NRXN3: variants seen among roughly 807,000 people sequenced by gnomAD.
The protein encoded by NRXN3 is neurexin III.
Under a neutral mutation model 137.6 loss-of-function variants are expected in NRXN3, and 32 were observed. The ratio of observed to expected loss-of-function variants is 0.23; its 90% CI spans 0.18 to 0.31. The LOEUF (loss-of-function observed/expected upper bound fraction) is 0.31, where lower values mean the gene tolerates loss of function less well. NRXN3 is among the 10% of genes least tolerant of loss of function. The probability of loss-of-function intolerance (pLI) is 1.00; values close to 1 mark genes in which losing one functional copy is unlikely to be tolerated. For synonymous variants in NRXN3, 798 were observed against 784.5 expected, an observed-to-expected ratio of 1.02 and a Z score of -0.29; for missense variants, 1,574 against 2,062.5, an observed-to-expected ratio of 0.76 and a Z score of 4.59.
intron 2 of NRXN3, among the ~76,000 whole-genome samples, chr14:78,247,724 T>C (rs191919655): frequency 2.6e-4 from 39 of 152,348 alleles, no homozygotes; most frequent in Non-Finnish European, 2.9e-5. Context: ...TGAAGAGGTA[T>C]CCTCACTCCC....
chr14:79,818,056 T>G (rs568953642), intron 20 of NRXN3, among the ~76,000 whole-genome samples: 6 of 139,478 alleles, frequency 4.3e-5, no homozygotes, highest in African/African-American at 8.1e-5. Flanking sequence ...GTTTTTTTTT[T>G]TTTTTTTTTT....
At chr14:78,711,746 A>G (rs780436935) in intron 7 of NRXN3, among the ~76,000 whole-genome samples, 3 of 152,148 alleles carry the variant, frequency 2.0e-5, no homozygotes, top group Non-Finnish European at 4.4e-5. Flanking sequence ...AGGCCTGGCC[A>G]GTTTTTTGAA....
chr14:78,397,993 T>A (rs993267971), intron 4 of NRXN3, among the ~76,000 whole-genome samples: 1 of 149,096 alleles, frequency 6.7e-6, no homozygotes, highest in African/African-American at 2.5e-5. Context: ...GGTGGGCAGA[T>A]CACCTGAGGT....
At chr14:78,456,471 A>G (rs2094703911) in intron 4 of NRXN3, among the ~76,000 whole-genome samples, 1 of 152,208 alleles carries the variant, frequency 6.6e-6, no homozygotes, top group Non-Finnish European at 1.5e-5. Context: ...ACTTCTTGCA[A>G]CACTATTTTT....
intron 4 of NRXN3, among the ~76,000 whole-genome samples, chr14:78,510,739 A>C (rs429118): frequency 6.6e-6 from 1 of 152,132 alleles, no homozygotes; most frequent in African/African-American, 2.4e-5. Flanking sequence ...GAAGACCTAT[A>C]AGGCTTGCTG....
chr14:78,665,043 G>T (rs956423063), intron 6 of NRXN3, among the ~76,000 whole-genome samples: 2 of 152,164 alleles, frequency 1.3e-5, no homozygotes, highest in African/African-American at 4.8e-5. Flanking sequence ...CAAAGAGTGG[G>T]AGTGTGTGGT....
At chr14:79,625,965 T>G (rs527257403) in intron 16 of NRXN3, among the ~76,000 whole-genome samples, 1 of 152,332 alleles carries the variant, frequency 6.6e-6, no homozygotes, top group South Asian at 2.1e-4. Context: ...AAATGAATTG[T>G]AACTAGAAAA....
At chr14:79,352,006 T>A (rs2093233196) in intron 15 of NRXN3, among the ~76,000 whole-genome samples, 1 of 152,180 alleles carries the variant, frequency 6.6e-6, no homozygotes, top group African/African-American at 2.4e-5. Flanking sequence ...TAAATTACAT[T>A]TCTGAGTTAG....
At chr14:78,685,158 A>G (rs1444969622) in intron 6 of NRXN3, among the ~76,000 whole-genome samples, 5 of 152,208 alleles carry the variant, frequency 3.3e-5, no homozygotes, top group Admixed American at 3.3e-4. Context: ...TAAAGGCTGT[A>G]TGTGACATCC....
chr14:79,765,316 A>C (rs1037378003), intron 19 of NRXN3, among the ~76,000 whole-genome samples: 5 of 152,218 alleles, frequency 3.3e-5, no homozygotes. Context: ...GAAGCAATTC[A>C]CTTGTAGCCT....
chr14:79,272,439 T>A (rs2153427705), intron 15 of NRXN3, among the ~76,000 whole-genome samples: 1 of 152,180 alleles, frequency 6.6e-6, no homozygotes, highest in East Asian at 1.9e-4. Flanking sequence ...CAATCACTTT[T>A]AAAAAAATGT....
chr14:78,754,600 T>C lies in NRXN3; in HGVS notation c.2044+39461T>C, dbSNP rs138921460. Reference sequence around the variant, plus strand: ...GTTAGTTCCACCTTTCAATTGCAATTAACAAAATTGTAATTTTATATTTAG... The same window carrying C: ...GTTAGTTCCACCTTTCAATTGCAATCAACAAAATTGTAATTTTATATTTAG... On this transcript the variant is annotated intron_variant, in intron 8 of 20. Coordinates refer to ENST00000335750, the MANE Select transcript of NRXN3 (RefSeq NM_001330195.2). Among the ~76,000 whole-genome samples, 339 of 152,328 alleles carry C rather than the reference T, an allele frequency of 2.2e-3. 2 individuals carry two copies. The highest frequency in any genetic ancestry group is 7.8e-3 in the African/African-American group (323 of 41,562).
chr14:78,821,701 A>C (rs1163294224), intron 10 of NRXN3, among the ~76,000 whole-genome samples: 1 of 152,170 alleles, frequency 6.6e-6, no homozygotes, highest in Non-Finnish European at 1.5e-5. Flanking sequence ...GGATAAAAAA[A>C]AAAAATGATG....
intron 4 of NRXN3, among the ~76,000 whole-genome samples, chr14:78,497,332 G>A (rs892805768): frequency 2.0e-5 from 3 of 152,026 alleles, no homozygotes; most frequent in Admixed American, 1.3e-4. Context: ...ACTGTCTGAG[G>A]CCTCATTACC....
chr14:79,114,790 A>T (rs185481595), intron 15 of NRXN3, among the ~76,000 whole-genome samples: 25 of 152,218 alleles, frequency 1.6e-4, no homozygotes, highest in Admixed American at 7.2e-4. Context: ...AGTCTCCCAA[A>T]GTGCTGAGAT....
chr14:79,805,400 C>T (rs2099200381), intron 20 of NRXN3, among the ~76,000 whole-genome samples: 1 of 151,952 alleles, frequency 6.6e-6, no homozygotes, highest in Non-Finnish European at 1.5e-5. Flanking sequence ...TAAGATCCTA[C>T]AAAAATTAAG....
chr14:78,951,802 A>T (rs1230315748), intron 10 of NRXN3, among the ~76,000 whole-genome samples: 1 of 152,198 alleles, frequency 6.6e-6, no homozygotes, highest in Non-Finnish European at 1.5e-5. Context: ...GAAAGATGTG[A>T]ATAGATAGTC....
At chr14:78,552,869 C>A (rs1487052427) in intron 4 of NRXN3, among the ~76,000 whole-genome samples, 1 of 152,070 alleles carries the variant, frequency 6.6e-6, no homozygotes, top group Non-Finnish European at 1.5e-5. Context: ...ATGTTTCTAG[C>A]ATTAAGAAAA....
In NRXN3 at chr14:78,759,287, C is replaced by T. The variant is rs559060978; in HGVS notation, c.2044+44148C>T. 1.6e-4 allele frequency among the ~76,000 whole-genome samples: 24 copies of T among 152,272 alleles called. No homozygotes were observed. The South Asian group carries it at 3.3e-3, about 21-fold the overall frequency. On this transcript the variant is annotated intron_variant, in intron 8 of 20. Coordinates refer to ENST00000335750, the MANE Select transcript of NRXN3 (RefSeq NM_001330195.2). ...GTGATAACAACAAGAATGATAACAA[C>T]GACAAACATTAAGTCAGCTCTGTGA...
Sources: gnomAD v4.1 joint callset for allele counts (sites outside exome capture counted in the v4.1 genomes callset) on GRCh38, gnomAD v4.1.1 for gene constraint, MANE v1.5 for transcripts, NCBI Gene and HGNC (gene_info 2026-07-23, HGNC 2026-07-21) for gene names.